Variants in ERAP1 observed in about 807,000 individuals in gnomAD.
ERAP1 encodes the protein endoplasmic reticulum aminopeptidase 1.
A neutral mutation model predicts 103.7 loss-of-function variants in ERAP1; 86 were observed. The observed-to-expected ratio is 0.83, with a 90% CI of 0.70 to 0.99. The LOEUF (loss-of-function observed/expected upper bound fraction) is 0.99. Among genes scored for constraint, ERAP1 ranks in the 50% least tolerant of loss-of-function variants. The probability of loss-of-function intolerance (pLI) is 0.00; values close to 1 mark genes in which losing one functional copy is unlikely to be tolerated. For synonymous variants in ERAP1, 398 were observed against 402.4 expected, an observed-to-expected ratio of 0.99 and a Z score of 0.13; for missense variants, 1,009 against 1,128.4, an observed-to-expected ratio of 0.89 and a Z score of 1.52.
chr5:96,922,967 G>T, the ERAP1 span, among the ~76,000 whole-genome samples: 1 of 151,598 alleles, frequency 6.6e-6, no homozygotes, highest in Admixed American at 6.6e-5. Flanking sequence ...GATGTTTTTT[G>T]TTTTTTGTTT....
chr5:96,798,137 A>G (rs1379701318), intron 3 of ERAP1, among the ~76,000 whole-genome samples: 1 of 152,090 alleles, frequency 6.6e-6, no homozygotes, highest in Non-Finnish European at 1.5e-5. Context: ...CATCCTGGCT[A>G]ACACGGTGGA....
the ERAP1 span, among the ~76,000 whole-genome samples, chr5:96,929,103 C>T: frequency 6.6e-6 from 1 of 152,336 alleles, no homozygotes; most frequent in South Asian, 2.1e-4. Flanking sequence ...ACACAGAAAT[C>T]CTGGCACCAT....
At chr5:96,807,521 G>T (rs890777710) in intron 1 of ERAP1, among the ~76,000 whole-genome samples, 13 of 152,092 alleles carry the variant, frequency 8.5e-5, no homozygotes, top group Admixed American at 3.3e-4. Flanking sequence ...GCCGAACAGC[G>T]GGGAGACCCG....
At position 96,774,904 on chromosome 5, in the gene ERAP1, T is replaced by TGACA. The variant is rs1773814465; in HGVS notation, c.*1488_*1491dup. 1 of 985,422 alleles carries TGACA rather than the reference T, an allele frequency of 1.0e-6. No homozygotes were observed. Among genetic ancestry groups the TGACA allele is most frequent in the South Asian group, 4.7e-5 (1 of 21,278 alleles). 61.0% of individuals were successfully genotyped at this position (985,422 alleles called of 1,614,324 possible). A position where few individuals can be genotyped will look rare whatever the true frequency, so the allele number is the denominator to read the frequency against. On this transcript the variant is annotated 3_prime_UTR_variant, in exon 19 of 19. Coordinates refer to ENST00000443439, the MANE Select transcript of ERAP1 (RefSeq NM_001040458.3). ...TGTCGTGTATTAGGGGAACACATTTTGACATTTTTCGTACCAATCATCAAT... is the reference window on the plus strand; with the variant it reads ...TGTCGTGTATTAGGGGAACACATTTTGACAGACATTTTTCGTACCAATCATCAAT...
the ERAP1 span, among the ~76,000 whole-genome samples, chr5:96,881,840 A>G: frequency 1.3e-5 from 2 of 152,166 alleles, no homozygotes; most frequent in Non-Finnish European, 2.9e-5. Flanking sequence ...AAGATTTCCC[A>G]CCCAATGACT....
downstream of ERAP1, chr5:96,770,612 G>T (rs1771944138): frequency 6.3e-7 from 1 of 1,583,368 alleles, no homozygotes; most frequent in African/African-American, 1.3e-5. Flanking sequence ...GGTAAATGGA[G>T]CAGTAAATAT....
chr5:96,796,899 C>G (rs1777402704), intron 4 of ERAP1, among the ~76,000 whole-genome samples: 1 of 152,124 alleles, frequency 6.6e-6, no homozygotes, highest in Non-Finnish European at 1.5e-5. Context: ...CTCAAGGGAT[C>G]CTCCCTAGTA....
chr5:96,895,436 TTAAACAGAA>T, the ERAP1 span: 2 of 1,049,814 alleles, frequency 1.9e-6, no homozygotes, highest in Non-Finnish European at 2.9e-6. Context: ...CAAGTGAATG[TTAAACAGAA>T]AAACTACATA....
chr5:96,883,770 C>T, the ERAP1 span: 2 of 1,600,434 alleles, frequency 1.2e-6, no homozygotes, highest in South Asian at 1.1e-5. Flanking sequence ...TGCATTTTGG[C>T]TGGGGGTGGG....
intron 3 of ERAP1, among the ~76,000 whole-genome samples, chr5:96,800,549 G>A (rs1396208704): frequency 6.6e-6 from 1 of 152,122 alleles, no homozygotes; most frequent in Non-Finnish European, 1.5e-5. Context: ...AGAAAATGAG[G>A]GTGAAAGTGC....
intron 16 of ERAP1, 120 bp from the exon 17 acceptor site, chr5:96,781,318 T>G (rs1350031448): frequency 1.0e-6 from 1 of 994,996 alleles, no homozygotes; most frequent in African/African-American, 1.6e-5. Context: ...GTTAAAAAGA[T>G]AAATGGGTAA....
At chr5:96,934,720 G>C in the ERAP1 span, 2 of 152,322 alleles carry the variant, frequency 1.3e-5, no homozygotes, top group Admixed American at 1.3e-4. Context: ...GTCCCTGTTT[G>C]AGCAGGCTGT....
chr5:96,776,250 A>C lies in ERAP1; in HGVS notation c.*146T>G. On this transcript the variant is annotated 3_prime_UTR_variant, in exon 19 of 19. Transcript: ENST00000443439. ...GCCCATTCATGAAAAACTAACAGCT[A>C]TTCTTTTCACAGGGATAGTCAAAAA... 9.1e-7 allele frequency: 1 copy of C among 1,096,358 alleles called. No homozygotes were observed. The highest frequency in any genetic ancestry group is 2.5e-5 in the East Asian group (1 of 40,154). 67.9% of individuals were successfully genotyped at this position (1,096,358 alleles called of 1,614,324 possible). A position where few individuals can be genotyped will look rare whatever the true frequency, so the allele number is the denominator to read the frequency against.
the ERAP1 span, among the ~76,000 whole-genome samples, chr5:96,865,184 G>A: frequency 2.0e-5 from 3 of 152,132 alleles, no homozygotes; most frequent in Non-Finnish European, 4.4e-5. Flanking sequence ...CTAAATGAGT[G>A]AAATTTTTAT....
chr5:96,917,494 A>C, the ERAP1 span: 2 of 1,613,434 alleles, frequency 1.2e-6, no homozygotes, highest in South Asian at 2.2e-5. Flanking sequence ...TTGAGGCTCA[A>C]GGATCACATC....
At position 96,775,993 on chromosome 5, in the gene ERAP1, C is replaced by T. The variant is rs894038801; in HGVS notation, c.*403G>A. The T allele has an allele frequency of 2.8e-5, 30 of 1,079,122 alleles. No homozygotes were observed. In the African/African-American group the frequency reaches 4.0e-4, roughly 14 times the overall value. 66.8% of individuals were successfully genotyped at this position (1,079,122 alleles called of 1,614,324 possible). The stretch of plus-strand genomic sequence containing the variant: ...ACCCAGTCATCGTCCGGCTTAGTCT[C>T]AGATCCAGGTGTTCATTGTTCAGTA... On this transcript the variant is annotated 3_prime_UTR_variant, in exon 19 of 19. Transcript: ENST00000443439.
the ERAP1 span, among the ~76,000 whole-genome samples, chr5:96,900,962 G>C: frequency 7.2e-5 from 11 of 152,290 alleles, no homozygotes; most frequent in East Asian, 2.1e-3. Context: ...ACGGCGCCTG[G>C]CCCTAAATTG....
the ERAP1 span, among the ~76,000 whole-genome samples, chr5:96,828,606 C>T: frequency 1.3e-5 from 2 of 152,024 alleles, no homozygotes; most frequent in African/African-American, 4.8e-5. Flanking sequence ...TACAAAATTA[C>T]CAGGGTAAAA....
intron 19 of ERAP1, chr5:96,769,402 T>TG (rs1362994978): frequency 6.6e-6 from 1 of 151,946 alleles, no homozygotes; most frequent in African/African-American, 2.4e-5. Flanking sequence ...TTTTGTTTTT[T>TG]TTTTTTTGCC....
Sources: allele counts gnomAD v4.1 joint callset (sites outside exome capture counted in the v4.1 genomes callset), GRCh38; gene constraint gnomAD v4.1.1; transcripts MANE v1.5; gene names NCBI Gene and HGNC (gene_info 2026-07-23, HGNC 2026-07-21).